Variants in NFATC1 observed in about 807,000 individuals in gnomAD.
NFATC1 encodes nuclear factor of activated T cells 1.
NFATC1 carries 22 observed loss-of-function variants against 76.0 expected under a neutral mutation model. That is an observed-to-expected ratio of 0.29 (90% CI 0.21 to 0.41). NFATC1 has a LOEUF of 0.41. NFATC1 is among the 10% of genes least tolerant of loss of function. The pLI is 1.00. For missense variants in NFATC1, 1,357 were observed against 1,337.7 expected, an observed-to-expected ratio of 1.01 and a Z score of -0.23; for synonymous variants, 704 against 613.1, an observed-to-expected ratio of 1.15 and a Z score of -2.19.
intron 3 of NFATC1, among the ~76,000 whole-genome samples, chr18:79,435,633 T>G (rs1377276051): frequency 1.3e-5 from 2 of 152,240 alleles, no homozygotes; most frequent in African/African-American, 4.8e-5. Flanking sequence ...CCGTCTCTGG[T>G]TCTGCCATCT....
intron 6 of NFATC1, chr18:79,452,094 G>C: frequency 3.1e-6 from 1 of 321,304 alleles, no homozygotes; most frequent in East Asian, 6.0e-5. Flanking sequence ...GGGAGCCCAC[G>C]GGCTGGGGAC....
intron 9 of NFATC1, 30 bp from the exon 10 acceptor site, chr18:79,527,498 A>G (rs2090800639): frequency 6.3e-7 from 1 of 1,590,456 alleles, no homozygotes; most frequent in African/African-American, 1.3e-5. Flanking sequence ...GTATTTCTCT[A>G]ATACTTTCTC....
chr18:79,451,050 G>A lies in NFATC1; in HGVS notation c.1686G>A (p.Leu562=), dbSNP rs756321545. The A allele has an allele frequency of 9.9e-6, 16 of 1,613,384 alleles. No individual in the cohort carries two copies. The highest frequency in any genetic ancestry group is 1.3e-5 in the African/African-American group (1 of 74,956). Residue 562 remains leucine (L), a synonymous_variant, in exon 5 of 10, where the codon CTG becomes CTA. Transcript: ENST00000427363. ...DIGRKNTRVR[L]VFRVHVPQPS... The stretch of plus-strand genomic sequence containing the variant: ...GGAGGAAGAACACACGGGTACGGCT[G>A]GTGTTCCGCGTTCACGTCCCGCAAC...
intron 3 of NFATC1, among the ~76,000 whole-genome samples, chr18:79,441,087 G>T (rs769056497): frequency 2.0e-5 from 3 of 152,230 alleles, no homozygotes; most frequent in Non-Finnish European, 4.4e-5. Flanking sequence ...CTGCGGAGCC[G>T]AGACGCACCA....
intron 2 of NFATC1, among the ~76,000 whole-genome samples, chr18:79,427,624 C>T (rs1183370116): frequency 9.4e-6 from 1 of 106,758 alleles, no homozygotes; most frequent in Non-Finnish European, 1.8e-5. Flanking sequence ...GAGAGCTGGA[C>T]AGCTGGCCTC....
intron 9 of NFATC1, among the ~76,000 whole-genome samples, chr18:79,491,991 A>G (rs994607201): frequency 6.6e-6 from 1 of 152,216 alleles, no homozygotes; most frequent in African/African-American, 2.4e-5. Flanking sequence ...CCTCACGCCC[A>G]GTGATGCTGA....
At chr18:79,399,934 C>A (rs1026940500) in intron 1 of NFATC1, among the ~76,000 whole-genome samples, 2 of 152,048 alleles carry the variant, frequency 1.3e-5, no homozygotes, top group Non-Finnish European at 2.9e-5. Context: ...CCGTTGCAGC[C>A]GCTTTCCCGA....
Position 79,400,383 on chromosome 18 carries a change from C to CCGGCCT in NFATC1, c.127+4032_127+4033insCGGCCT, listed in dbSNP as rs1166532225. On this transcript the variant is annotated intron_variant, in intron 1 of 9. Transcript: ENST00000427363. ...CCCGGCTCCCGCCCCGGCCCCGGCC[C>CCGGCCT]GACCCGCCATGACGGGGCTGGAGGA... The CCGGCCT allele has an allele frequency of 7.4e-5, 109 of 1,480,356 alleles. 1 individual carries two copies. In the Admixed American group the frequency reaches 2.5e-3, roughly 34 times the overall value. The allele number at this position is 1,480,356 out of a possible 1,614,324, so 91.7% of individuals were successfully genotyped here. A position where few individuals can be genotyped will look rare whatever the true frequency, so the allele number is the denominator to read the frequency against.
chr18:79,509,603 T>C (rs1403173236), intron 9 of NFATC1, among the ~76,000 whole-genome samples: 3 of 152,264 alleles, frequency 2.0e-5, no homozygotes, highest in Non-Finnish European at 4.4e-5. Flanking sequence ...GACCTGGGTT[T>C]CTTTTAAGCA....
chr18:79,401,981 G>A (rs1401011520), intron 1 of NFATC1, among the ~76,000 whole-genome samples: 1 of 152,204 alleles, frequency 6.6e-6, no homozygotes, highest in Non-Finnish European at 1.5e-5. Flanking sequence ...GAAGCACAGG[G>A]GGTAGTTATC....
chr18:79,398,045 A>G (rs2085064559), intron 1 of NFATC1, among the ~76,000 whole-genome samples: 2 of 152,088 alleles, frequency 1.3e-5, no homozygotes, highest in Admixed American at 1.3e-4. Flanking sequence ...ACCGGGAAGA[A>G]CTCTGAGTCC....
intron 9 of NFATC1, among the ~76,000 whole-genome samples, chr18:79,522,017 G>GT (rs2090609052): frequency 9.6e-6 from 1 of 103,986 alleles, no homozygotes; most frequent in African/African-American, 4.0e-5. Context: ...ATGTGTGGGG[G>GT]GGCGTCTGCT....
At chr18:79,480,189 C>T (rs1407597705) in intron 8 of NFATC1, among the ~76,000 whole-genome samples, 1 of 152,176 alleles carries the variant, frequency 6.6e-6, no homozygotes, top group Non-Finnish European at 1.5e-5. Context: ...AGTAGCTGCC[C>T]CCAGCTCCCT....
At chr18:79,519,091 G>A (rs1271618419) in intron 9 of NFATC1, among the ~76,000 whole-genome samples, 3 of 152,190 alleles carry the variant, frequency 2.0e-5, no homozygotes, top group African/African-American at 4.8e-5. Flanking sequence ...CTACCAGAGC[G>A]TTCAGGTGCA....
At chr18:79,457,610 G>A (rs1387361562) in intron 6 of NFATC1, among the ~76,000 whole-genome samples, 3 of 152,130 alleles carry the variant, frequency 2.0e-5, no homozygotes, top group Admixed American at 6.5e-5. Context: ...TGTATAATTC[G>A]GTGGGTTTTG....
chr18:79,413,673 C>T (rs1339333466), intron 2 of NFATC1, among the ~76,000 whole-genome samples: 4 of 152,208 alleles, frequency 2.6e-5, no homozygotes, highest in South Asian at 2.1e-4. Flanking sequence ...GTCTTACTGT[C>T]GCAGTAAAAA....
chr18:79,519,751 T>C (rs1211950829), intron 9 of NFATC1, among the ~76,000 whole-genome samples: 1 of 152,224 alleles, frequency 6.6e-6, no homozygotes, highest in Non-Finnish European at 1.5e-5. Flanking sequence ...TCTCAGAACG[T>C]TGAAGGGACG....
rs934831021 is a variant in NFATC1, at chr18:79,465,548, C to A, written c.1960-1902C>A. On this transcript the variant is annotated intron_variant, in intron 7 of 9. Coordinates refer to ENST00000427363, the MANE Select transcript of NFATC1 (RefSeq NM_001278669.2). The surrounding 1 kb of genome is among the most constrained non-coding windows in gnomAD (Gnocchi z 4.2). ...ACCCATCCAGCCTGTCCCACAGGGT[C>A]CCCGCCTCCACCCCAGCCTGTCCCG... Among the ~76,000 whole-genome samples the A allele has an allele frequency of 1.3e-5, 2 of 152,054 alleles. No individual in the cohort carries two copies. Among genetic ancestry groups the A allele is most frequent in the African/African-American group, 4.8e-5 (2 of 41,404 alleles).
In NFATC1 at chr18:79,480,838, T is replaced by G. The variant is rs563377345; in HGVS notation, c.2093-5410T>G. 5.9e-5 allele frequency among the ~76,000 whole-genome samples: 9 copies of G among 152,332 alleles called. No individual in the cohort carries two copies. The East Asian group carries it at 1.5e-3, about 26-fold the overall frequency. ...GGGACACTTCACAGAAGAGGCGCAC[T>G]GGCCCCCATGCCTGGCCATGTTTCT... On this transcript the variant is annotated intron_variant, in intron 8 of 9. Coordinates refer to ENST00000427363, the MANE Select transcript of NFATC1 (RefSeq NM_001278669.2).
Sources: allele counts gnomAD v4.1 joint callset (sites outside exome capture counted in the v4.1 genomes callset), GRCh38; gene constraint gnomAD v4.1.1; non-coding constraint Gnocchi (gnomAD v3.1); transcripts MANE v1.5; gene names NCBI Gene and HGNC (gene_info 2026-07-23, HGNC 2026-07-21).